DACH1: variants seen among roughly 807,000 people sequenced by gnomAD.
DACH1 encodes dachshund family transcription factor 1.
In DACH1, 12 loss-of-function variants were observed where a neutral mutation model predicts 54.2. The observed-to-expected ratio is 0.22, with a 90% CI of 0.14 to 0.36. DACH1 has a LOEUF of 0.36. DACH1 is among the 10% of genes least tolerant of loss of function. The pLI, the probability that DACH1 is intolerant of heterozygous loss-of-function variation, is 1.00. For missense variants in DACH1, 805 were observed against 929.8 expected (o/e 0.87, Z 1.75); for synonymous variants, 386 against 366.2 (o/e 1.05, Z -0.62).
At chr13:71,562,077 G>A (rs765903487) in intron 4 of DACH1, among the ~76,000 whole-genome samples, 8 of 152,128 alleles carry the variant, frequency 5.3e-5, no homozygotes, top group South Asian at 4.2e-4. Flanking sequence ...CAATCTTGTC[G>A]TAATGATAAC....
intron 3 of DACH1, among the ~76,000 whole-genome samples, chr13:71,590,418 T>C (rs529804514): frequency 1.5e-4 from 23 of 152,328 alleles, no homozygotes; most frequent in Admixed American, 5.9e-4. Flanking sequence ...ATGTGTTTAC[T>C]GAACCAAATT....
intron 6 of DACH1, among the ~76,000 whole-genome samples, chr13:71,531,318 A>G (rs1388479307): frequency 6.6e-6 from 1 of 152,116 alleles, no homozygotes; most frequent in Non-Finnish European, 1.5e-5. Flanking sequence ...CCAAATTTCA[A>G]ATACATTGTG....
chr13:71,562,367 GAGAGAGAAAGAGAAAGAGAC>G (rs1884641275), intron 4 of DACH1, among the ~76,000 whole-genome samples: 1 of 152,120 alleles, frequency 6.6e-6, no homozygotes, highest in Admixed American at 6.6e-5. Context: ...AAGTGGGAGG[GAGAGAGAAAGAGAAAGAGAC>G]AGAGAGAAGA....
intron 1 of DACH1, among the ~76,000 whole-genome samples, chr13:71,756,822 A>G (rs1235850981): frequency 2.0e-5 from 3 of 152,174 alleles, no homozygotes; most frequent in African/African-American, 2.4e-5. Flanking sequence ...GTATATATAG[A>G]AAGTTTGCTT....
intron 1 of DACH1, among the ~76,000 whole-genome samples, chr13:71,818,482 T>C (rs1457888839): frequency 6.6e-6 from 1 of 152,184 alleles, no homozygotes; most frequent in Non-Finnish European, 1.5e-5. Flanking sequence ...AAAGTCCCAA[T>C]AAAGACTTTG....
chr13:71,502,258 C>T (rs1172208253), intron 6 of DACH1, among the ~76,000 whole-genome samples: 1 of 152,146 alleles, frequency 6.6e-6, no homozygotes, highest in Admixed American at 6.5e-5. Flanking sequence ...TACTGATACA[C>T]TTATGATTAT....
At chr13:71,654,532 T>A (rs577756113) in intron 2 of DACH1, among the ~76,000 whole-genome samples, 2 of 136,666 alleles carry the variant, frequency 1.5e-5, no homozygotes. Flanking sequence ...AACTAATAAA[T>A]GGGGCAGTCA....
intron 6 of DACH1, among the ~76,000 whole-genome samples, chr13:71,532,219 A>C (rs1394570608): frequency 6.6e-6 from 1 of 151,972 alleles, no homozygotes; most frequent in African/African-American, 2.4e-5. Context: ...TGGGGTTTTC[A>C]AATACATTGC....
intron 1 of DACH1, among the ~76,000 whole-genome samples, chr13:71,808,482 CACAT>C (rs1426679161): frequency 6.6e-6 from 1 of 152,076 alleles, no homozygotes; most frequent in African/African-American, 2.4e-5. Flanking sequence ...TTTTTATAAA[CACAT>C]AACTAATAAA....
intron 1 of DACH1, among the ~76,000 whole-genome samples, chr13:71,750,749 A>G (rs1018467324): frequency 1.3e-5 from 2 of 152,172 alleles, no homozygotes; most frequent in Non-Finnish European, 2.9e-5. Context: ...ATATTTCTAC[A>G]CTGCTTACTT....
At position 71,522,238 on chromosome 13, in the gene DACH1, GC is replaced by G. The variant is rs150581122; in HGVS notation, c.1571-33091del. ...CATTCTCTGCAATGTGGGGTGAGTG[GC>G]AATGAGAACACCTCAGAAGACACTG... On this transcript the variant is annotated intron_variant, in intron 6 of 10. Transcript: ENST00000613252. Among the ~76,000 whole-genome samples, 342 of 152,104 alleles carry G rather than the reference GC, an allele frequency of 2.2e-3. 3 individuals carry two copies. The highest frequency in any genetic ancestry group is 8.0e-3 in the African/African-American group (331 of 41,526).
intron 1 of DACH1, among the ~76,000 whole-genome samples, chr13:71,807,419 CAAAAAAA>C (rs10688170): frequency 1.0e-4 from 10 of 99,722 alleles, no homozygotes; most frequent in Admixed American, 4.6e-4. Context: ...TCACAGATTG[CAAAAAAA>C]AAAAAAAAAA....
At chr13:71,808,293 T>G (rs1018839207) in intron 1 of DACH1, among the ~76,000 whole-genome samples, 2 of 152,178 alleles carry the variant, frequency 1.3e-5, no homozygotes, top group African/African-American at 4.8e-5. Flanking sequence ...GAGATTTTTT[T>G]GTGGTCATTA....
At chr13:71,594,425 T>C (rs1022518716) in intron 3 of DACH1, among the ~76,000 whole-genome samples, 1 of 152,070 alleles carries the variant, frequency 6.6e-6, no homozygotes, top group Non-Finnish European at 1.5e-5. Context: ...TATAGATATT[T>C]TATTACATCA....
intron 2 of DACH1, among the ~76,000 whole-genome samples, chr13:71,657,316 C>A (rs1258482912): frequency 6.6e-6 from 1 of 151,568 alleles, no homozygotes; most frequent in Non-Finnish European, 1.5e-5. Context: ...CACAGTGTGA[C>A]CTTATCTCTA....
At chr13:71,695,473 A>G (rs1881778363) in intron 1 of DACH1, among the ~76,000 whole-genome samples, 2 of 152,256 alleles carry the variant, frequency 1.3e-5, no homozygotes, top group African/African-American at 4.8e-5. Context: ...AAACTCTCAG[A>G]AAACCTAAAG....
At chr13:71,816,021 C>T (rs1250161251) in intron 1 of DACH1, among the ~76,000 whole-genome samples, 1 of 151,704 alleles carries the variant, frequency 6.6e-6, no homozygotes, top group Non-Finnish European at 1.5e-5. Flanking sequence ...GGAGGCGGAG[C>T]TTGCAGTGAG....
intron 1 of DACH1, among the ~76,000 whole-genome samples, chr13:71,722,722 A>G (rs1419553596): frequency 1.3e-5 from 2 of 152,210 alleles, no homozygotes; most frequent in Admixed American, 6.6e-5. Flanking sequence ...AGTTGAGGAA[A>G]GAGCTTTGGA....
At chr13:71,489,754 T>C (rs1265963624) in intron 6 of DACH1, among the ~76,000 whole-genome samples, 1 of 152,144 alleles carries the variant, frequency 6.6e-6, no homozygotes, top group Non-Finnish European at 1.5e-5. Context: ...TTTTTTGAAC[T>C]TGAAGACCTT....
Sources: gnomAD v4.1 joint callset for allele counts (sites outside exome capture counted in the v4.1 genomes callset) on GRCh38, gnomAD v4.1.1 for gene constraint, MANE v1.5 for transcripts, NCBI Gene and HGNC (gene_info 2026-07-23, HGNC 2026-07-21) for gene names.